Variants in AMOTL1 observed in about 807,000 individuals in gnomAD.
AMOTL1 encodes the protein angiomotin like 1, also known as angiomotin-like protein 1.
In AMOTL1, 45 loss-of-function variants were observed where a neutral mutation model predicts 102.9. The observed-to-expected ratio is 0.44, with a 90% CI of 0.34 to 0.56. The LOEUF is 0.56. AMOTL1 is among the 20% of genes least tolerant of loss of function. The pLI is 0.01. For missense variants in AMOTL1, 1,114 were observed against 1,225.6 expected (o/e 0.91, Z 1.36); for synonymous variants, 481 against 484.7 (o/e 0.99, Z 0.10).
Position 94,799,459 on chromosome 11 carries a change from C to A in AMOTL1, c.269C>A (p.Ser90Tyr). 1 of 1,606,992 alleles carries A rather than the reference C, an allele frequency of 6.2e-7. No individual in the cohort carries two copies. Among genetic ancestry groups the A allele is most frequent in the Non-Finnish European group, 8.5e-7 (1 of 1,176,568 alleles). Residue 90 changes from serine to tyrosine, a missense_variant, in exon 3 of 13, where the codon TCC becomes TAC. Physicochemically the swap from Ser to Tyr is moderately radical, Grantham distance 144. Coordinates refer to ENST00000433060, the MANE Select transcript of AMOTL1 (RefSeq NM_130847.3). This position sits in a 1 kb window ranked among gnomAD's most constrained non-coding sequence, Gnocchi z 4.5. ...LRISEVEMRGSEDAAAGTVLQ... is the reference protein window; with the variant it reads ...LRISEVEMRGYEDAAAGTVLQ... ...ATCTCAGAGGTGGAAATGAGAGGTT[C>A]CGAGGATGCGGCAGCTGGAACAGTA... is the stretch of plus-strand genomic sequence containing the variant.
intron 4 of AMOTL1, among the ~76,000 whole-genome samples, chr11:94,826,524 C>T (rs993883196): frequency 6.6e-6 from 1 of 152,158 alleles, no homozygotes; most frequent in Non-Finnish European, 1.5e-5. Context: ...TACGCTGTGT[C>T]ACAACATGGC....
chr11:94,802,789 C>A (rs1408540432), intron 3 of AMOTL1, among the ~76,000 whole-genome samples: 1 of 152,222 alleles, frequency 6.6e-6, no homozygotes, highest in Non-Finnish European at 1.5e-5. Flanking sequence ...AATATTGCAT[C>A]CACACCAGCC....
intron 3 of AMOTL1, among the ~76,000 whole-genome samples, chr11:94,750,591 G>A (rs1221533240): frequency 2.6e-5 from 4 of 152,120 alleles, no homozygotes; most frequent in Non-Finnish European, 4.4e-5. Context: ...AACTGACAGG[G>A]GCGTCCCTAT....
In AMOTL1 at chr11:94,866,166, T is replaced by C. The variant is rs199747672; in HGVS notation, c.2486T>C (p.Ile829Thr). ...KKEEKTWKGS[I>T]GLLLGKEHHE... ...GAAGAGAAGACCTGGAAGGGGAGCATAGGTGAGCCCCACACCTCTGTCAGA... is the reference window on the plus strand; with the variant it reads ...GAAGAGAAGACCTGGAAGGGGAGCACAGGTGAGCCCCACACCTCTGTCAGA... The change falls in exon 11 of 13, where the codon ATA becomes ACA. Residue 829 changes from isoleucine (I) to threonine (T), a missense_variant and splice_region_variant. Ile to Thr is a moderately conservative substitution (Grantham distance 89). Coordinates refer to ENST00000433060, the MANE Select transcript of AMOTL1 (RefSeq NM_130847.3). 4 of 1,613,510 alleles carry C rather than the reference T, an allele frequency of 2.5e-6. No homozygotes were observed. Among genetic ancestry groups the C allele is most frequent in the Admixed American group, 1.7e-5 (1 of 59,982 alleles).
At chr11:94,780,379 T>C (rs1266812664) in intron 1 of AMOTL1, among the ~76,000 whole-genome samples, 2 of 152,220 alleles carry the variant, frequency 1.3e-5, no homozygotes, top group African/African-American at 4.8e-5. Context: ...GTTTTGTTCT[T>C]TGATAGAACT....
chr11:94,768,590 G>C, intron 1 of AMOTL1, 30 bp downstream of exon 1: 1 of 1,575,406 alleles, frequency 6.3e-7, no homozygotes, highest in Non-Finnish European at 8.6e-7. Context: ...GGTGCCGGGA[G>C]GGCGTCTCCG....
At chr11:94,833,140 C>T (rs189395067) in intron 6 of AMOTL1, among the ~76,000 whole-genome samples, 1 of 152,306 alleles carries the variant, frequency 6.6e-6, no homozygotes, top group East Asian at 1.9e-4. Context: ...TGAAGGCAAA[C>T]ACAAGAGACC....
intron 12 of AMOTL1, 141 bp downstream of exon 12, chr11:94,869,614 T>C: frequency 1.0e-6 from 1 of 972,468 alleles, no homozygotes; most frequent in Non-Finnish European, 1.5e-6. Context: ...GCACTTAGGA[T>C]ATGTGTGCCC....
intron 1 of AMOTL1, among the ~76,000 whole-genome samples, chr11:94,711,902 C>T (rs1161307133): frequency 6.6e-6 from 1 of 152,088 alleles, no homozygotes; most frequent in East Asian, 1.9e-4. Flanking sequence ...ATGCTATGAA[C>T]ATTCATGTAC....
intron 3 of AMOTL1, among the ~76,000 whole-genome samples, chr11:94,759,810 G>T (rs1950770031): frequency 6.6e-6 from 1 of 152,194 alleles, no homozygotes; most frequent in South Asian, 2.1e-4. Flanking sequence ...TAGAAAACTG[G>T]ATTATGATCT....
Position 94,719,587 on chromosome 11 carries a change from T to A in AMOTL1, c.-50-9334T>A, listed in dbSNP as rs144099838. 6.3e-3 allele frequency among the ~76,000 whole-genome samples: 946 copies of A among 150,880 alleles called. 10 individuals are homozygous for A. Among genetic ancestry groups the A allele is most frequent in the African/African-American group, 0.022 (898 of 41,128 alleles). Reference sequence around the variant, plus strand: ...GAAAATGTGTGTGTGTGTGTGTGTGTGAGAGAGAGAGAGATTTAAATATTG... The same window carrying A: ...GAAAATGTGTGTGTGTGTGTGTGTGAGAGAGAGAGAGAGATTTAAATATTG... On this transcript the variant is annotated intron_variant, in intron 1 of 4. Transcript: ENST00000299004.
rs1279855201 is a variant in AMOTL1 at position 94,799,900 on chromosome 11, A to G, written c.710A>G (p.Asn237Ser). ...KSRTEGRPTV[N>S]RANSGQAHKD... ...CGAACTGAGGGGAGGCCCACTGTGA[A>G]CCGTGCCAACAGTGGACAGGCGCAT... Residue 237 changes from asparagine to serine, a missense_variant, in exon 3 of 13, where the codon AAC (asparagine) becomes AGC (serine). Physicochemically the swap from Asn to Ser is conservative, Grantham distance 46. Coordinates refer to ENST00000433060, the MANE Select transcript of AMOTL1 (RefSeq NM_130847.3). This position sits in a 1 kb window ranked among gnomAD's most constrained non-coding sequence, Gnocchi z 4.5. 4.4e-6 allele frequency: 7 copies of G among 1,603,940 alleles called. No homozygotes were observed. In the South Asian group the frequency reaches 6.7e-5, roughly 15 times the overall value.
chr11:94,814,803 T>A (rs147337229), intron 3 of AMOTL1, among the ~76,000 whole-genome samples: 1,531 of 152,292 alleles, frequency 0.01, 25 homozygotes, highest in South Asian at 0.035. Context: ...ACATCCTGTA[T>A]CTCCGTTTCA....
rs375670431 is a variant in AMOTL1, at chr11:94,768,466, C to T, written c.-46C>T. ...GGCGCCACTTCCCCGCGCTGCCCGG[C>T]AGCCGTCTTCCCCAGCCGAGGGACT... On this transcript the variant is annotated 5_prime_UTR_variant, in exon 1 of 13. Transcript: ENST00000433060. The T allele has an allele frequency of 1.3e-6, 2 of 1,562,334 alleles. No homozygotes were observed. Among genetic ancestry groups the T allele is most frequent in the Non-Finnish European group, 1.7e-6 (2 of 1,155,110 alleles).
At chr11:94,833,187 C>T (rs781275095) in intron 6 of AMOTL1, among the ~76,000 whole-genome samples, 4 of 152,090 alleles carry the variant, frequency 2.6e-5, no homozygotes, top group East Asian at 1.9e-4. Flanking sequence ...ATCTCAGTGT[C>T]GATATGTAAT....
chr11:94,795,582 T>G (rs1378090599), intron 2 of AMOTL1, among the ~76,000 whole-genome samples: 1 of 152,252 alleles, frequency 6.6e-6, no homozygotes, highest in Non-Finnish European at 1.5e-5. Context: ...CTGTCTCCTT[T>G]GTAAAAACTT....
At chr11:94,808,965 CTTTTTTTTTTTTT>C (rs199619372) in intron 3 of AMOTL1, among the ~76,000 whole-genome samples, 33,860 of 112,600 alleles carry the variant, frequency 0.3, 4,787 homozygotes, top group East Asian at 0.52. Flanking sequence ...TTCTTTCTTT[CTTTTTTTTTTTTT>C]TTTTTTTTTT....
intron 1 of AMOTL1, among the ~76,000 whole-genome samples, chr11:94,718,224 A>G (rs1417835170): frequency 1.3e-5 from 2 of 151,888 alleles, no homozygotes; most frequent in African/African-American, 4.8e-5. Context: ...GCTTTTTACA[A>G]TTTACAGGAA....
At chr11:94,738,931 GC>G (rs1950477583) in intron 2 of AMOTL1, among the ~76,000 whole-genome samples, 1 of 152,184 alleles carries the variant, frequency 6.6e-6, no homozygotes, top group Admixed American at 6.5e-5. Flanking sequence ...TGTGGTTGGA[GC>G]AGGTCAAGAA....
Sources: allele counts gnomAD v4.1 joint callset (sites outside exome capture counted in the v4.1 genomes callset), GRCh38; gene constraint gnomAD v4.1.1; non-coding constraint Gnocchi (gnomAD v3.1); transcripts MANE v1.5; gene names NCBI Gene and HGNC (gene_info 2026-07-23, HGNC 2026-07-21).